Variants in OPN4 observed in about 807,000 individuals in gnomAD.
OPN4 encodes the protein opsin 4, also known as melanopsin.
OPN4 carries 43 observed loss-of-function variants against 49.5 expected under a neutral mutation model. The ratio of observed to expected loss-of-function variants is 0.87; its 90% confidence interval spans 0.68 to 1.12. The LOEUF is 1.12. Among genes scored for constraint, OPN4 ranks in the 50% most tolerant of loss-of-function variants. OPN4 has a pLI of 0.00. For synonymous variants in OPN4, 263 were observed against 258.0 expected, an observed-to-expected ratio of 1.02 and a Z score of -0.19; for missense variants, 657 against 643.9, an observed-to-expected ratio of 1.02 and a Z score of -0.22.
chr10:86,658,754 G>A (rs976877863), intron 4 of OPN4, 67 bp downstream of exon 4: 40 of 1,550,340 alleles, frequency 2.6e-5, no homozygotes, highest in Middle Eastern at 4.0e-4. Context: ...AGGGGAAGTA[G>A]GTGGACTTGG....
chr10:86,656,344 G>C (rs760575536), intron 2 of OPN4, 44 bp downstream of exon 2: 1 of 1,549,860 alleles, frequency 6.5e-7, no homozygotes, highest in South Asian at 1.3e-5. Flanking sequence ...GAGGGTGGCA[G>C]CCATGCAGAC....
At position 86,666,029 on chromosome 10, in the gene OPN4, C is replaced by G; in HGVS notation, c.*278C>G. ...CAGGCCCTCCCACTTCCCGAGTTGT[C>G]TGCCTCTCCTCAAATGCTGTGTGCT... is the stretch of plus-strand genomic sequence containing the variant. On this transcript the variant is annotated 3_prime_UTR_variant, in exon 10 of 10. Transcript: ENST00000241891. 4.0e-6 allele frequency: 2 copies of G among 503,290 alleles called. No individual in the cohort carries two copies. Among genetic ancestry groups the G allele is most frequent in the South Asian group, 5.2e-5 (2 of 38,372 alleles). The allele number at this position is 503,290 out of a possible 1,614,324, so 31.2% of individuals were successfully genotyped here.
rs1374985709 is a variant in OPN4 at position 86,658,536 on chromosome 10, CA to C, written c.478del (p.Thr160ProfsTer2). ...GALFGISSMI[T>X]LTAIALDRYL... ...CTCTCTTTGGCATTTCCTCCATGATCACCCTGACGGCCATCGCCCTGGACCG... is the reference window on the plus strand; with the variant it reads ...CTCTCTTTGGCATTTCCTCCATGATCCCCTGACGGCCATCGCCCTGGACCG... On this transcript the variant is annotated frameshift_variant, in exon 4 of 10. Coordinates refer to ENST00000241891, the MANE Select transcript of OPN4 (RefSeq NM_033282.4). LOFTEE classifies it high-confidence loss of function. The C allele has an allele frequency of 6.2e-7, 1 of 1,614,108 alleles. No individual in the cohort carries two copies. The highest frequency in any genetic ancestry group is 1.3e-5 in the African/African-American group (1 of 74,948).
chr10:86,662,619 G>A (rs558860841), intron 8 of OPN4, among the ~76,000 whole-genome samples, 187 bp downstream of exon 8: 1 of 152,364 alleles, frequency 6.6e-6, no homozygotes, highest in South Asian at 2.1e-4. Context: ...TCCCTGATAG[G>A]CAGGGGCACT....
In OPN4 at chr10:86,662,383, G is replaced by T. The variant is rs751555243; in HGVS notation, c.1205G>T (p.Trp402Leu). Residue 402 changes from tryptophan to leucine, a missense_variant, in exon 8 of 10, where the codon TGG (tryptophan) becomes TTG (leucine). By Grantham distance (61) the Trp-to-Leu change is moderately conservative. Coordinates refer to ENST00000241891, the MANE Select transcript of OPN4 (RefSeq NM_033282.4). ...TLTSHTSNLSWISIRRRQESL... is the reference protein window; with the variant it reads ...TLTSHTSNLSLISIRRRQESL... ...ACCAGCCACACCTCCAACCTCAGCT[G>T]GATCTCCATACGGAGGCGCCAGGAG... 5 of 1,575,836 alleles carry T rather than the reference G, an allele frequency of 3.2e-6. No homozygotes were observed. The South Asian group carries it at 5.8e-5, about 18-fold the overall frequency.
chr10:86,657,967 C>T (rs10788521), intron 2 of OPN4, 65 bp from the exon 3 acceptor site: 474,450 of 1,552,206 alleles, frequency 0.31, 75,595 homozygotes, highest in South Asian at 0.4. Context: ...CTGAGGGGTG[C>T]GGGAAGCTCT....
chr10:86,666,153 G>A lies in OPN4; in HGVS notation c.*402G>A, dbSNP rs1844173108. 4.5e-6 allele frequency: 1 copy of A among 219,936 alleles called. No individual in the cohort carries two copies. The highest frequency in any genetic ancestry group is 5.4e-5 in the Admixed American group (1 of 18,686). 13.6% of individuals were successfully genotyped at this position (219,936 alleles called of 1,614,324 possible). ...GCTGGGCCTGTCACTGGCATAGGAA[G>A]GCCAGCCCCGCATCTCCCACTGCCA... On this transcript the variant is annotated 3_prime_UTR_variant, in exon 10 of 10. Coordinates refer to ENST00000241891, the MANE Select transcript of OPN4 (RefSeq NM_033282.4).
chr10:86,661,486 A>T (rs1351823463), intron 7 of OPN4, 98 bp downstream of exon 7: 1 of 859,150 alleles, frequency 1.2e-6, no homozygotes, highest in African/African-American at 1.7e-5. Flanking sequence ...GTGTGTGTGT[A>T]GAATGGGGGC....
At chr10:86,655,263 A>G (rs1467959579) in intron 1 of OPN4, among the ~76,000 whole-genome samples, 1 of 152,074 alleles carries the variant, frequency 6.6e-6, no homozygotes, top group Non-Finnish European at 1.5e-5. Context: ...AGGAGGGCAC[A>G]CCCTGGGCCT....
intron 1 of OPN4, among the ~76,000 whole-genome samples, chr10:86,655,777 G>A (rs12257300): frequency 0.067 from 10,218 of 152,186 alleles, 1,104 homozygotes; most frequent in African/African-American, 0.23. Context: ...TGGGCCCTTG[G>A]GCTGGAGTCC....
rs538937781 is a variant in OPN4 at position 86,663,799 on chromosome 10, G to T, written c.1395G>T (p.Gly465=). 5.2e-6 allele frequency: 8 copies of T among 1,552,036 alleles called. No individual in the cohort carries two copies. In the East Asian group the frequency reaches 1.2e-4, roughly 24 times the overall value. The change falls in exon 9 of 10, where the codon GGG becomes GGT. Residue 465 remains glycine, a synonymous_variant. Coordinates refer to ENST00000241891, the MANE Select transcript of OPN4 (RefSeq NM_033282.4). ...RPQGHEAETP[G]KTKGLIPSQD... is the part of the protein sequence containing the mutation. ...AGGGACACGAAGCAGAGACTCCAGG[G>T]AAGGTGACTGGGCCCGGTACCTGCC...
intron 7 of OPN4, 143 bp from the exon 8 acceptor site, chr10:86,662,109 T>C (rs1844021046): frequency 4.6e-6 from 3 of 652,892 alleles, no homozygotes; most frequent in African/African-American, 1.8e-5. Flanking sequence ...TCACCTGCCA[T>C]GGTTCCCAGG....
intron 4 of OPN4, 135 bp downstream of exon 4, chr10:86,658,822 G>C (rs765792957): frequency 1.2e-6 from 1 of 809,378 alleles, no homozygotes; most frequent in African/African-American, 1.7e-5. Flanking sequence ...AGGTGAGATG[G>C]ACATTCAGGG....
rs772122696 is a variant in OPN4 at position 86,654,904 on chromosome 10, C to T, written c.121C>T (p.Arg41Trp). 2.0e-5 allele frequency: 33 copies of T among 1,613,864 alleles called. No homozygotes were observed. Among genetic ancestry groups the T allele is most frequent in the Admixed American group, 3.3e-5 (2 of 60,004 alleles). Reference protein sequence around the residue: ...SSQSSISSLGRLPSISPTAPG... With the variant: ...SSQSSISSLGWLPSISPTAPG... ...CCAGAGCAGCATCTCCAGCCTGGGCCGGCTTCCATCCATCAGTCCCACAGT... is the reference window on the plus strand; with the variant it reads ...CCAGAGCAGCATCTCCAGCCTGGGCTGGCTTCCATCCATCAGTCCCACAGT... Residue 41 changes from arginine (R) to tryptophan (W), a missense_variant, in exon 1 of 10, where the codon CGG becomes TGG. Coordinates refer to ENST00000241891, the MANE Select transcript of OPN4 (RefSeq NM_033282.4).
At chr10:86,665,241 G>C (rs1050873998) in intron 9 of OPN4, among the ~76,000 whole-genome samples, 1 of 152,130 alleles carries the variant, frequency 6.6e-6, no homozygotes, top group Non-Finnish European at 1.5e-5. Flanking sequence ...AGGAGCAGTG[G>C]GAAGGCCCCA....
intron 2 of OPN4, 29 bp downstream of exon 2, chr10:86,656,329 G>A: frequency 1.3e-5 from 20 of 1,564,460 alleles, no homozygotes; most frequent in Non-Finnish European, 1.7e-5. Flanking sequence ...TGGGCCCAGG[G>A]CACTGAGGGT....
intron 6 of OPN4, among the ~76,000 whole-genome samples, chr10:86,660,267 G>A (rs138970556): frequency 4.4e-4 from 67 of 152,358 alleles, no homozygotes; most frequent in Non-Finnish European, 7.6e-4. Flanking sequence ...CAGGGCACAT[G>A]CAGAGGAGCT....
At chr10:86,662,160 C>T (rs1000858027) in intron 7 of OPN4, 92 bp from the exon 8 acceptor site, 35 of 1,104,906 alleles carry the variant, frequency 3.2e-5, no homozygotes, top group Non-Finnish European at 4.4e-5. Flanking sequence ...TCGGTCACCG[C>T]ACATTAGGCC....
chr10:86,659,907 C>T lies in OPN4; in HGVS notation c.813C>T (p.Thr271=), dbSNP rs1564620986. 6.2e-7 allele frequency: 1 copy of T among 1,614,200 alleles called. No homozygotes were observed. The highest frequency in any genetic ancestry group is 2.2e-5 in the East Asian group (1 of 44,878). Residue 271 remains threonine (T), a synonymous_variant, in exon 6 of 10, where the codon ACC becomes ACT. Coordinates refer to ENST00000241891, the MANE Select transcript of OPN4 (RefSeq NM_033282.4). ...AIRETGRALQ[T]FGACKGNGES... ...GCGTCCTTCCTAGGGCTCTCCAGAC[C>T]TTCGGGGCCTGCAAGGGCAATGGCG...
Sources: allele counts gnomAD v4.1 joint callset (sites outside exome capture counted in the v4.1 genomes callset), GRCh38; gene constraint gnomAD v4.1.1; transcripts MANE v1.5; gene names NCBI Gene and HGNC (gene_info 2026-07-23, HGNC 2026-07-21).